RBFOX1: variants seen among roughly 807,000 people sequenced by gnomAD.
The protein encoded by RBFOX1 is RNA binding fox-1 homolog 1.
In RBFOX1, 8 loss-of-function variants were observed where a neutral mutation model predicts 57.7. That is an observed-to-expected ratio of 0.14 (90% confidence interval 0.08 to 0.25). The LOEUF (loss-of-function observed/expected upper bound fraction) is 0.25. Ranked by LOEUF, RBFOX1 falls within the 10% of genes least tolerant of loss-of-function variation. RBFOX1 has a pLI of 1.00. For missense variants in RBFOX1, 611 were observed against 548.5 expected (o/e 1.11, Z -1.14); for synonymous variants, 326 against 222.4 (o/e 1.47, Z -4.15).
chr16:7,624,613 A>G (rs527632819), intron 10 of RBFOX1, among the ~76,000 whole-genome samples: 1 of 152,202 alleles, frequency 6.6e-6, no homozygotes, highest in Non-Finnish European at 1.5e-5. Context: ...TACTCACTAC[A>G]TCATAGTTGC....
At chr16:7,536,433 A>C (rs2152426406) in intron 5 of RBFOX1, among the ~76,000 whole-genome samples, 1 of 152,276 alleles carries the variant, frequency 6.6e-6, no homozygotes, top group Admixed American at 6.5e-5. Flanking sequence ...GTGTCTACTA[A>C]AAATACAAAA....
intron 4 of RBFOX1, among the ~76,000 whole-genome samples, chr16:7,327,396 A>C (rs534196790): frequency 6.6e-6 from 1 of 152,366 alleles, no homozygotes; most frequent in East Asian, 1.9e-4. Flanking sequence ...GAAGGGCCTC[A>C]GATGCTGTAG....
chr16:5,759,520 C>G (rs971973415), intron 3 of RBFOX1, among the ~76,000 whole-genome samples: 8 of 152,192 alleles, frequency 5.3e-5, no homozygotes, highest in African/African-American at 1.4e-4. Context: ...TCAGCCCATG[C>G]AAATTCAGAG....
chr16:7,267,033 T>C (rs1319846794), intron 4 of RBFOX1, among the ~76,000 whole-genome samples: 1 of 151,862 alleles, frequency 6.6e-6, no homozygotes, highest in Non-Finnish European at 1.5e-5. Context: ...GCCAGCGGGG[T>C]AGACAGGAGG....
At chr16:7,242,489 G>T (rs997241287) in intron 4 of RBFOX1, among the ~76,000 whole-genome samples, 2 of 152,274 alleles carry the variant, frequency 1.3e-5, no homozygotes, top group South Asian at 2.1e-4. Context: ...TATAGATACA[G>T]TGTACCTCCC....
intron 2 of RBFOX1, among the ~76,000 whole-genome samples, chr16:6,453,353 ACATG>A (rs1597454564): frequency 6.6e-6 from 1 of 152,118 alleles, no homozygotes; most frequent in East Asian, 1.9e-4. Flanking sequence ...ATGAGTGAAA[ACATG>A]CGGTGTTTGG....
At chr16:6,977,470 T>C (rs968584425) in intron 3 of RBFOX1, among the ~76,000 whole-genome samples, 1 of 152,076 alleles carries the variant, frequency 6.6e-6, no homozygotes, top group African/African-American at 2.4e-5. Context: ...AATGCCTGAC[T>C]TCCTGAGAAT....
At chr16:5,404,650 C>G in intron 1 of RBFOX1, among the ~76,000 whole-genome samples, 2 of 152,196 alleles carry the variant, frequency 1.3e-5, no homozygotes, top group East Asian at 3.8e-4. Context: ...CCCTGAACCC[C>G]TATTCTGTGC....
Position 7,333,033 on chromosome 16 carries a change from C to A in RBFOX1, c.28-185114C>A, listed in dbSNP as rs145351963. The A allele has an allele frequency of 5.7e-5, 92 of 1,613,838 alleles. No individual in the cohort carries two copies. In the African/African-American group the frequency reaches 8.0e-4, roughly 14 times the overall value. Reference sequence around the variant, plus strand: ...GCGTCTCAAGGAGTTCTCCTGCATCCTTATGGCGTGCCTATGATTGTACCG... The same window carrying A: ...GCGTCTCAAGGAGTTCTCCTGCATCATTATGGCGTGCCTATGATTGTACCG... On this transcript the variant is annotated intron_variant, in intron 4 of 15. Coordinates refer to ENST00000550418, the MANE Select transcript of RBFOX1 (RefSeq NM_018723.4).
intron 2 of RBFOX1, among the ~76,000 whole-genome samples, chr16:6,379,271 G>C (rs149341217): frequency 6.6e-6 from 1 of 152,286 alleles, no homozygotes; most frequent in Non-Finnish European, 1.5e-5. Context: ...TCAAAACCAT[G>C]ACAGTGAAAG....
intron 4 of RBFOX1, among the ~76,000 whole-genome samples, chr16:7,516,396 G>T (rs1479165896): frequency 6.6e-6 from 1 of 152,126 alleles, no homozygotes; most frequent in Admixed American, 6.5e-5. Context: ...GCGACTGGGA[G>T]CTGGGTTCAA....
chr16:5,873,394 C>T (rs1213070368), intron 4 of RBFOX1, among the ~76,000 whole-genome samples: 2 of 152,196 alleles, frequency 1.3e-5, no homozygotes, highest in Non-Finnish European at 2.9e-5. Flanking sequence ...TTCCAATGAG[C>T]ACTCTTGGCC....
intron 2 of RBFOX1, among the ~76,000 whole-genome samples, chr16:6,422,745 G>A (rs2093811548): frequency 6.6e-6 from 1 of 152,046 alleles, no homozygotes. Context: ...AGCACCAAGG[G>A]GATGGTGCCA....
Position 7,175,772 on chromosome 16 carries a change from C to A in RBFOX1, c.27+123674C>A, listed in dbSNP as rs190499330. 2.0e-5 allele frequency among the ~76,000 whole-genome samples: 3 copies of A among 152,268 alleles called. No homozygotes were observed. The East Asian group carries it at 5.8e-4, about 29-fold the overall frequency. Reference sequence around the variant, plus strand: ...TTTTTTTGATAAAATGTCTTCCTCTCTCCTTCTCAGAGTAAAGCAAGTCTC... The same window carrying A: ...TTTTTTTGATAAAATGTCTTCCTCTATCCTTCTCAGAGTAAAGCAAGTCTC... On this transcript the variant is annotated intron_variant, in intron 4 of 15. Coordinates refer to ENST00000550418, the MANE Select transcript of RBFOX1 (RefSeq NM_018723.4).
At chr16:7,426,573 A>G (rs2098615989) in intron 4 of RBFOX1, among the ~76,000 whole-genome samples, 1 of 152,180 alleles carries the variant, frequency 6.6e-6, no homozygotes, top group Non-Finnish European at 1.5e-5. Flanking sequence ...TTCAAACCAA[A>G]TAGATGCGCC....
At chr16:6,599,627 C>A (rs556708422) in intron 2 of RBFOX1, among the ~76,000 whole-genome samples, 2 of 152,084 alleles carry the variant, frequency 1.3e-5, no homozygotes, top group African/African-American at 4.8e-5. Context: ...TCTTTTTATT[C>A]CTTTACTAGT....
At chr16:7,217,002 C>T (rs117452889) in intron 4 of RBFOX1, among the ~76,000 whole-genome samples, 19,723 of 85,174 alleles carry the variant, frequency 0.23, 2,358 homozygotes, top group African/African-American at 0.4. Flanking sequence ...CTTCCTCCCT[C>T]CCTCCCTTCC....
At chr16:6,965,860 C>G (rs373221180) in intron 3 of RBFOX1, among the ~76,000 whole-genome samples, 2 of 149,552 alleles carry the variant, frequency 1.3e-5, no homozygotes, top group Non-Finnish European at 3.0e-5. Context: ...GATAAGGAAA[C>G]TGAGGCATGG....
intron 4 of RBFOX1, among the ~76,000 whole-genome samples, chr16:7,404,966 T>G (rs2098313180): frequency 6.6e-6 from 1 of 152,122 alleles, no homozygotes; most frequent in Admixed American, 6.5e-5. Context: ...CTCCCTCTAG[T>G]AGAGATGATT....
Sources: allele counts gnomAD v4.1 joint callset (sites outside exome capture counted in the v4.1 genomes callset), GRCh38; gene constraint gnomAD v4.1.1; transcripts MANE v1.5; gene names NCBI Gene and HGNC (gene_info 2026-07-23, HGNC 2026-07-21).